The following CECR2 variants were observed in gnomAD, a reference collection of about 807,000 sequenced individuals.
CECR2 encodes CECR2 histone acetyl-lysine reader, also known as chromatin remodeling regulator CECR2.
Under a neutral mutation model 154.5 loss-of-function variants are expected in CECR2, and 30 were observed. That is an observed-to-expected ratio of 0.19 (90% CI 0.15 to 0.26). CECR2 has a LOEUF of 0.26. CECR2 is among the 10% of genes least tolerant of loss of function. CECR2 has a pLI of 1.00. For missense variants in CECR2, 1,743 were observed against 1,829.3 expected, an observed-to-expected ratio of 0.95 and a Z score of 0.86; for synonymous variants, 725 against 683.7, an observed-to-expected ratio of 1.06 and a Z score of -0.94.
At position 17,524,294 on chromosome 22, in the gene CECR2, C is replaced by A; in HGVS notation, c.1108+23C>A. 2 of 1,598,744 alleles carry A rather than the reference C, an allele frequency of 1.3e-6. No individual in the cohort carries two copies. The highest frequency in any genetic ancestry group is 2.3e-5 in the South Asian group (2 of 88,706). On this transcript the variant is annotated intron_variant, in intron 9 of 18. Coordinates refer to ENST00000262608, the MANE Select transcript of CECR2 (RefSeq NM_001290047.2). Reference sequence around the variant, plus strand: ...AAGGTATGTGCAGTGTCCGCGTGGTCTGGAGAGGTGCATGTCTGTCGACCA... The same window carrying A: ...AAGGTATGTGCAGTGTCCGCGTGGTATGGAGAGGTGCATGTCTGTCGACCA...
At chr22:17,462,506 G>A (rs1489820452) in intron 1 of CECR2, among the ~76,000 whole-genome samples, 1 of 152,158 alleles carries the variant, frequency 6.6e-6, no homozygotes, top group Non-Finnish European at 1.5e-5. Flanking sequence ...GCTTCTACAC[G>A]AAAGCAATAT....
chr22:17,550,004 G>T (rs1297867515), intron 17 of CECR2, among the ~76,000 whole-genome samples: 1 of 151,554 alleles, frequency 6.6e-6, no homozygotes, highest in East Asian at 1.9e-4. Context: ...AAAAATATGT[G>T]AATTATTGAT....
intron 1 of CECR2, among the ~76,000 whole-genome samples, chr22:17,372,885 G>A (rs1241738934): frequency 6.6e-6 from 1 of 152,050 alleles, no homozygotes; most frequent in Non-Finnish European, 1.5e-5. Flanking sequence ...TGGATTTATA[G>A]AAAATTGAGG....
rs73389185 is a variant in CECR2 at position 17,524,287 on chromosome 22, G to A, written c.1108+16G>A. Reference sequence around the variant, plus strand: ...GCAGTGGAAGGTATGTGCAGTGTCCGCGTGGTCTGGAGAGGTGCATGTCTG... The same window carrying A: ...GCAGTGGAAGGTATGTGCAGTGTCCACGTGGTCTGGAGAGGTGCATGTCTG... On this transcript the variant is annotated intron_variant, in intron 9 of 18. Transcript: ENST00000262608. The A allele has an allele frequency of 1.4e-4, 219 of 1,603,570 alleles. No homozygotes were observed. Among genetic ancestry groups the A allele is most frequent in the Non-Finnish European group, 8.3e-5 (97 of 1,175,704 alleles).
At chr22:17,436,681 G>T (rs189741525) in intron 1 of CECR2, among the ~76,000 whole-genome samples, 2 of 152,236 alleles carry the variant, frequency 1.3e-5, no homozygotes, top group South Asian at 4.1e-4. Flanking sequence ...GAAGTCCTGC[G>T]GGACCAGTAT....
At chr22:17,468,522 A>ATT (rs371447096) in intron 1 of CECR2, among the ~76,000 whole-genome samples, 1 of 151,540 alleles carries the variant, frequency 6.6e-6, no homozygotes, top group African/African-American at 2.4e-5. Flanking sequence ...TCTACAAAAG[A>ATT]TTTTTTTTTA....
At position 17,552,219 on chromosome 22, in the gene CECR2, C is replaced by G. The variant is rs2056719909; in HGVS notation, c.4389+77C>G. 3.0e-6 allele frequency: 4 copies of G among 1,337,556 alleles called. No individual in the cohort carries two copies. In the African/African-American group the frequency reaches 5.8e-5, roughly 19 times the overall value. 82.9% of individuals were successfully genotyped at this position (1,337,556 alleles called of 1,614,324 possible). A position where few individuals can be genotyped will look rare whatever the true frequency, so the allele number is the denominator to read the frequency against. On this transcript the variant is annotated intron_variant, in intron 18 of 18. Coordinates refer to ENST00000262608, the MANE Select transcript of CECR2 (RefSeq NM_001290047.2). ...GTAAGTATATGACAACCTTGCTGTT[C>G]TGAAAAAATGTTTTAAGGTATCCTG...
At chr22:17,477,963 A>G (rs1288111496) in intron 2 of CECR2, among the ~76,000 whole-genome samples, 1 of 152,130 alleles carries the variant, frequency 6.6e-6, no homozygotes, top group African/African-American at 2.4e-5. Context: ...ATTTCTTCTT[A>G]TATTTGCCAT....
chr22:17,535,058 G>C lies in CECR2; in HGVS notation c.1109-2045G>C, dbSNP rs565632689. ...CCCAGCTATTCGGGAGGCTGAGGCA[G>C]GAGAATGACGTGAACCCAGGAGGCG... On this transcript the variant is annotated intron_variant, in intron 9 of 18. Coordinates refer to ENST00000262608, the MANE Select transcript of CECR2 (RefSeq NM_001290047.2). Among the ~76,000 whole-genome samples, 14 of 152,050 alleles carry C rather than the reference G, an allele frequency of 9.2e-5. No individual in the cohort carries two copies. The South Asian group carries it at 2.9e-3, about 32-fold the overall frequency.
At chr22:17,420,651 T>A (rs8140717) in intron 1 of CECR2, among the ~76,000 whole-genome samples, 11 of 152,220 alleles carry the variant, frequency 7.2e-5, no homozygotes, top group Non-Finnish European at 1.3e-4. Context: ...GTTTTCATTA[T>A]TGAAAATAAA....
intron 8 of CECR2, among the ~76,000 whole-genome samples, chr22:17,514,022 G>A (rs1458660357): frequency 6.6e-6 from 1 of 152,208 alleles, no homozygotes; most frequent in East Asian, 1.9e-4. Flanking sequence ...ATCTGTTGTG[G>A]TCCCCGATAT....
chr22:17,527,029 G>T (rs2056277301), intron 9 of CECR2, among the ~76,000 whole-genome samples: 1 of 152,124 alleles, frequency 6.6e-6, no homozygotes, highest in Non-Finnish European at 1.5e-5. Flanking sequence ...GAAAACATTT[G>T]CAAACTGCCC....
intron 1 of CECR2, among the ~76,000 whole-genome samples, chr22:17,463,373 C>T (rs138958078): frequency 2.0e-4 from 31 of 152,214 alleles, no homozygotes; most frequent in African/African-American, 7.5e-4. Context: ...GGCTCACTAG[C>T]TGTTGATATG....
chr22:17,506,927 T>A (rs2055858337), intron 7 of CECR2, among the ~76,000 whole-genome samples: 1 of 152,244 alleles, frequency 6.6e-6, no homozygotes, highest in Non-Finnish European at 1.5e-5. Flanking sequence ...GTGTTATGAT[T>A]ACAGGCGTGA....
chr22:17,510,895 C>G (rs71315381), intron 7 of CECR2, among the ~76,000 whole-genome samples: 20,908 of 152,058 alleles, frequency 0.14, 1,687 homozygotes, highest in Non-Finnish European at 0.18. Flanking sequence ...GTGAGCCACC[C>G]CACCCAGCCC....
chr22:17,552,541 G>T (rs174344), intron 18 of CECR2, among the ~76,000 whole-genome samples: 1 of 151,750 alleles, frequency 6.6e-6, no homozygotes, highest in Non-Finnish European at 1.5e-5. Flanking sequence ...GTCTCGTGCA[G>T]TGCTTCTCTC....
intron 1 of CECR2, among the ~76,000 whole-genome samples, chr22:17,404,279 C>CAA (rs375565396): frequency 4.8e-5 from 3 of 62,892 alleles, no homozygotes; most frequent in South Asian, 6.1e-4. Context: ...ACCCCCCTGC[C>CAA]AAAAAAAAAA....
intron 13 of CECR2, among the ~76,000 whole-genome samples, chr22:17,540,166 C>T (rs983052549): frequency 6.6e-6 from 1 of 152,184 alleles, no homozygotes; most frequent in African/African-American, 2.4e-5. Context: ...GGCCCTGTCC[C>T]AACCATACAA....
intron 5 of CECR2, among the ~76,000 whole-genome samples, chr22:17,501,833 G>A (rs961310120): frequency 6.6e-6 from 1 of 152,184 alleles, no homozygotes; most frequent in African/African-American, 2.4e-5. Context: ...GGTTGGGACT[G>A]TAGAATCATT....
Sources: gnomAD v4.1 joint callset for allele counts (sites outside exome capture counted in the v4.1 genomes callset) on GRCh38, gnomAD v4.1.1 for gene constraint, MANE v1.5 for transcripts, NCBI Gene and HGNC (gene_info 2026-07-23, HGNC 2026-07-21) for gene names.